The following SH3RF2 variants were observed in gnomAD, a reference collection of about 807,000 sequenced individuals.
SH3RF2 encodes the protein SH3 domain containing ring finger 2.
Under a neutral mutation model 59.0 loss-of-function variants are expected in SH3RF2, and 43 were observed. That is an observed-to-expected ratio of 0.73 (90% confidence interval 0.57 to 0.94). The LOEUF is 0.94. Ranked by LOEUF, SH3RF2 falls within the 40% of genes least tolerant of loss-of-function variation. The pLI is 0.00. For synonymous variants in SH3RF2, 391 were observed against 391.5 expected (o/e 1.00, Z 0.01); for missense variants, 930 against 940.1 (o/e 0.99, Z 0.14).
chr5:145,945,849 C>A (rs1408543499), intron 2 of SH3RF2, among the ~76,000 whole-genome samples: 1 of 152,172 alleles, frequency 6.6e-6, no homozygotes, highest in Non-Finnish European at 1.5e-5. Flanking sequence ...GTATCTACAG[C>A]AACTTCTTGG....
downstream of SH3RF2, among the ~76,000 whole-genome samples, chr5:146,065,749 G>A (rs945724491): frequency 6.6e-6 from 1 of 152,196 alleles, no homozygotes; most frequent in Admixed American, 6.5e-5. Flanking sequence ...AGGGACAAAG[G>A]ATGTTTTTTC....
intron 4 of SH3RF2, among the ~76,000 whole-genome samples, chr5:146,005,443 A>C (rs1432346241): frequency 6.6e-6 from 1 of 152,196 alleles, no homozygotes; most frequent in Non-Finnish European, 1.5e-5. Flanking sequence ...GTTGAGGAGA[A>C]GCAACCAATT....
At chr5:146,023,491 G>A (rs1761410072) in intron 5 of SH3RF2, among the ~76,000 whole-genome samples, 1 of 152,206 alleles carries the variant, frequency 6.6e-6, no homozygotes, top group Non-Finnish European at 1.5e-5. Context: ...TTACAGGTGT[G>A]AGCCACTGAG....
rs558717056 is a variant in SH3RF2, at chr5:146,033,451, C to CTTTT, written c.1060-14288_1060-14285dup. 6.8e-4 allele frequency among the ~76,000 whole-genome samples: 49 copies of CTTTT among 71,862 alleles called. 11 individuals are homozygous for CTTTT. The highest frequency in any genetic ancestry group is 1.1e-3 in the Non-Finnish European group (44 of 41,770). 47.1% of individuals were successfully genotyped at this position (71,862 alleles called of 152,430 possible). Reference sequence around the variant, plus strand: ...AAAATCTATGAGCACTAGCCCTTAGCTTTTTTTTTTTTTTTTTTTTTTTTT... The same window carrying CTTTT: ...AAAATCTATGAGCACTAGCCCTTAGCTTTTTTTTTTTTTTTTTTTTTTTTTTTTT... On this transcript the variant is annotated intron_variant, in intron 5 of 9. Coordinates refer to ENST00000359120, the MANE Select transcript of SH3RF2 (RefSeq NM_152550.4).
At chr5:145,967,993 T>C (rs1383011863) in intron 2 of SH3RF2, among the ~76,000 whole-genome samples, 1 of 148,418 alleles carries the variant, frequency 6.7e-6, no homozygotes, top group Non-Finnish European at 1.5e-5. Flanking sequence ...AAAGATCTCT[T>C]AACTTTGCTT....
chr5:146,001,183 C>G lies in SH3RF2; in HGVS notation c.648+856C>G, dbSNP rs146334530. On this transcript the variant is annotated intron_variant, in intron 3 of 9. Coordinates refer to ENST00000359120, the MANE Select transcript of SH3RF2 (RefSeq NM_152550.4). ...CAATTAATGACAGTTGTACTAAAGT[C>G]TACACTACTTTAACTATCTGTATTC... Among the ~76,000 whole-genome samples, 109 of 152,326 alleles carry G rather than the reference C, an allele frequency of 7.2e-4. No individual in the cohort carries two copies. The East Asian group carries it at 0.018, about 25-fold the overall frequency.
At chr5:146,016,791 T>C (rs1290082773) in intron 5 of SH3RF2, among the ~76,000 whole-genome samples, 1 of 152,226 alleles carries the variant, frequency 6.6e-6, no homozygotes, top group Non-Finnish European at 1.5e-5. Context: ...TTTTGAATGC[T>C]AAGGCCTTCC....
chr5:145,947,572 A>G (rs1758044623), intron 2 of SH3RF2, among the ~76,000 whole-genome samples: 2 of 152,194 alleles, frequency 1.3e-5, no homozygotes, highest in Admixed American at 1.3e-4. Context: ...TATCATGCCC[A>G]CCACAGTTGG....
At chr5:146,054,039 A>T (rs1580927620) in intron 7 of SH3RF2, among the ~76,000 whole-genome samples, 1 of 152,158 alleles carries the variant, frequency 6.6e-6, no homozygotes, top group East Asian at 1.9e-4. Flanking sequence ...CTTCCCACCT[A>T]AGCCCAGAAT....
chr5:146,065,094 G>T (rs1331949292), downstream of SH3RF2, among the ~76,000 whole-genome samples: 1 of 152,158 alleles, frequency 6.6e-6, no homozygotes, highest in Non-Finnish European at 1.5e-5. Context: ...GACCTTTGGG[G>T]CTGGTAGAGC....
chr5:146,011,288 T>C (rs1247048305), intron 4 of SH3RF2, among the ~76,000 whole-genome samples: 1 of 152,152 alleles, frequency 6.6e-6, no homozygotes, highest in Non-Finnish European at 1.5e-5. Context: ...TGTAGCCTGG[T>C]AGTATAGTTT....
chr5:145,977,189 C>T lies in SH3RF2; in HGVS notation c.379-22869C>T, dbSNP rs542763928. 3.9e-5 allele frequency among the ~76,000 whole-genome samples: 6 copies of T among 152,284 alleles called. 1 individual carries two copies. The highest frequency in any genetic ancestry group is 2.1e-4 in the South Asian group (1 of 4,826). ...AGTCCAGGGCTCTTTTTCTTAGGCC[C>T]GACTACCTCCTGCACATGCTAAAAC... On this transcript the variant is annotated intron_variant, in intron 2 of 9. Coordinates refer to ENST00000359120, the MANE Select transcript of SH3RF2 (RefSeq NM_152550.4).
At chr5:145,949,902 T>G (rs1395738883) in intron 2 of SH3RF2, among the ~76,000 whole-genome samples, 1 of 152,232 alleles carries the variant, frequency 6.6e-6, no homozygotes, top group East Asian at 1.9e-4. Flanking sequence ...AAGATTTTTT[T>G]CACAACAGAA....
At chr5:146,049,280 GGGCCACCCTA>G in intron 7 of SH3RF2, 35 bp downstream of exon 7, 1 of 1,575,258 alleles carries the variant, frequency 6.3e-7, no homozygotes, top group East Asian at 2.2e-5. Flanking sequence ...TTGGGAGGTT[GGGCCACCCTA>G]GGCCAGGGGC....
At chr5:146,028,925 A>G (rs2150002672) in intron 5 of SH3RF2, among the ~76,000 whole-genome samples, 1 of 152,324 alleles carries the variant, frequency 6.6e-6, no homozygotes, top group South Asian at 2.1e-4. Flanking sequence ...CTAGCTGGAG[A>G]AGCTGAAAGG....
chr5:146,031,861 G>C (rs553382644), intron 5 of SH3RF2, among the ~76,000 whole-genome samples: 1 of 152,156 alleles, frequency 6.6e-6, no homozygotes, highest in South Asian at 2.1e-4. Context: ...ATACACATTT[G>C]GCTGGTGCAT....
chr5:145,978,690 A>C (rs922700760), intron 2 of SH3RF2, among the ~76,000 whole-genome samples: 1 of 151,720 alleles, frequency 6.6e-6, no homozygotes, highest in Non-Finnish European at 1.5e-5. Context: ...TTAAGGAAAA[A>C]AAAAAAAAGA....
chr5:146,002,604 A>G (rs1760474873), intron 3 of SH3RF2, among the ~76,000 whole-genome samples: 1 of 152,170 alleles, frequency 6.6e-6, no homozygotes, highest in South Asian at 2.1e-4. Context: ...ACCACCGACC[A>G]GTACCAGTCC....
At position 145,952,023 on chromosome 5, in the gene SH3RF2, C is replaced by T. The variant is rs556901492; in HGVS notation, c.378+13717C>T. Among the ~76,000 whole-genome samples, 74 of 152,282 alleles carry T rather than the reference C, an allele frequency of 4.9e-4. 1 individual carries two copies. The highest frequency in any genetic ancestry group is 4.8e-3 in the Admixed American group (74 of 15,300). The stretch of plus-strand genomic sequence containing the variant: ...AAGAATGGGAATAATTTGTAACCTA[C>T]CACCTACATTGGTTCTGAGATTAAC... On this transcript the variant is annotated intron_variant, in intron 2 of 9. Coordinates refer to ENST00000359120, the MANE Select transcript of SH3RF2 (RefSeq NM_152550.4).
Sources: gnomAD v4.1 joint callset for allele counts (sites outside exome capture counted in the v4.1 genomes callset) on GRCh38, gnomAD v4.1.1 for gene constraint, MANE v1.5 for transcripts, NCBI Gene and HGNC (gene_info 2026-07-23, HGNC 2026-07-21) for gene names.